Variants in ESRP1 observed in about 807,000 individuals in gnomAD.
ESRP1 encodes the protein RNA-binding motif protein 35A.
ESRP1 carries 33 observed loss-of-function variants against 81.7 expected under a neutral mutation model. That is an observed-to-expected ratio of 0.40 (90% CI 0.31 to 0.54). The LOEUF (loss-of-function observed/expected upper bound fraction) is 0.54. ESRP1 is among the 20% of genes least tolerant of loss of function. The pLI is 0.41. For missense variants in ESRP1, 672 were observed against 833.1 expected (o/e 0.81, Z 2.38); for synonymous variants, 320 against 303.3 (o/e 1.06, Z -0.57).
intron 13 of ESRP1, among the ~76,000 whole-genome samples, chr8:94,690,864 G>A (rs962089415): frequency 2.0e-5 from 3 of 152,190 alleles, no homozygotes; most frequent in African/African-American, 7.2e-5. Flanking sequence ...TGGTCTTTGA[G>A]TATTAGACTT....
At chr8:94,691,291 C>A (rs767025095) in intron 13 of ESRP1, among the ~76,000 whole-genome samples, 31 of 152,034 alleles carry the variant, frequency 2.0e-4, no homozygotes, top group Admixed American at 2.0e-3. Context: ...CAAAAAAACA[C>A]AAAAACTCCC....
chr8:94,692,092 T>C (rs962540011), intron 13 of ESRP1, among the ~76,000 whole-genome samples: 3 of 152,168 alleles, frequency 2.0e-5, no homozygotes, highest in Non-Finnish European at 4.4e-5. Flanking sequence ...TGGTGATTGA[T>C]TTAATTTTTA....
chr8:94,650,798 C>T (rs537979693), intron 4 of ESRP1, among the ~76,000 whole-genome samples: 4 of 138,616 alleles, frequency 2.9e-5, no homozygotes, highest in South Asian at 4.7e-4. Context: ...CTGCAAGCAC[C>T]GCCTCCAGGT....
intron 14 of ESRP1, among the ~76,000 whole-genome samples, chr8:94,695,561 GGCC>G (rs1320336178): frequency 6.6e-6 from 1 of 150,618 alleles, no homozygotes; most frequent in Non-Finnish European, 1.5e-5. Flanking sequence ...TTACCATGCT[GGCC>G]AGGCTGGCCA....
chr8:94,641,708 C>T (rs1817600802), intron 1 of ESRP1: 2 of 725,242 alleles, frequency 2.8e-6, no homozygotes, highest in Non-Finnish European at 4.2e-6. Flanking sequence ...CGTCGGGGGA[C>T]GCTCCGCCGA....
At position 94,641,976 on chromosome 8, in the gene ESRP1, G is replaced by T; in HGVS notation, c.153G>T (p.Val51=). Residue 51 remains valine, a synonymous_variant, in exon 2 of 16, where the codon GTG becomes GTT. Transcript: ENST00000433389. The stretch of plus-strand genomic sequence containing the variant: ...CGGAGGTGGGACAGTTGCACGAAGT[G>T]CTAGTTAGACCGGATCAGTTGGAAC... ...ANKKVGQLHE[V]LVRPDQLELT... is the part of the protein sequence containing the mutation. 1 of 1,614,002 alleles carries T rather than the reference G, an allele frequency of 6.2e-7. No individual in the cohort carries two copies. The highest frequency in any genetic ancestry group is 8.5e-7 in the Non-Finnish European group (1 of 1,179,872).
At chr8:94,650,974 A>G (rs541411921) in intron 4 of ESRP1, among the ~76,000 whole-genome samples, 2 of 152,070 alleles carry the variant, frequency 1.3e-5, no homozygotes, top group Admixed American at 1.3e-4. Context: ...TAAAGTGCTG[A>G]GATTATAGGC....
chr8:94,649,158 G>A (rs185618041), intron 4 of ESRP1, among the ~76,000 whole-genome samples: 188 of 152,232 alleles, frequency 1.2e-3, no homozygotes, highest in Non-Finnish European at 2.2e-3. Context: ...GAGGCAGTGA[G>A]CCGAGATCAT....
chr8:94,686,148 C>T (rs981681563), intron 13 of ESRP1, among the ~76,000 whole-genome samples: 7 of 152,066 alleles, frequency 4.6e-5, no homozygotes, highest in Admixed American at 3.3e-4. Flanking sequence ...AGAGTGGTCT[C>T]GAATTCCTGA....
chr8:94,687,038 A>T (rs1809168669), intron 13 of ESRP1, among the ~76,000 whole-genome samples: 1 of 152,206 alleles, frequency 6.6e-6, no homozygotes, highest in South Asian at 2.1e-4. Context: ...CAATTGTAGA[A>T]TAATTTTACA....
At chr8:94,693,678 G>C (rs182996737) in intron 14 of ESRP1, among the ~76,000 whole-genome samples, 1 of 152,144 alleles carries the variant, frequency 6.6e-6, no homozygotes, top group African/African-American at 2.4e-5. Flanking sequence ...AGCTGTTTTC[G>C]GAATAATAGT....
intron 10 of ESRP1, among the ~76,000 whole-genome samples, chr8:94,669,896 AT>A (rs1161654793): frequency 1.3e-5 from 2 of 148,736 alleles, no homozygotes; most frequent in African/African-American, 2.5e-5. Flanking sequence ...AAAAAAAAAA[AT>A]TTATACCTTT....
intron 15 of ESRP1, among the ~76,000 whole-genome samples, chr8:94,698,367 T>C (rs574504938): frequency 1.3e-5 from 2 of 152,362 alleles, no homozygotes; most frequent in South Asian, 2.1e-4. Context: ...CTTCGGTAAC[T>C]GGCTTATTTA....
chr8:94,683,185 C>G (rs1010091808), intron 13 of ESRP1, among the ~76,000 whole-genome samples: 2 of 151,610 alleles, frequency 1.3e-5, no homozygotes, highest in Non-Finnish European at 2.9e-5. Context: ...CTCAAGTGAT[C>G]CGCCCGCCTC....
intron 4 of ESRP1, among the ~76,000 whole-genome samples, chr8:94,655,286 C>T (rs1818348160): frequency 1.3e-5 from 2 of 151,534 alleles, no homozygotes; most frequent in Non-Finnish European, 2.9e-5. Context: ...TTAGTTTCAC[C>T]ATGTTGGCCA....
chr8:94,641,821 C>G (rs1188211940), intron 1 of ESRP1, 135 bp from the exon 2 acceptor site: 2 of 1,386,652 alleles, frequency 1.4e-6, no homozygotes, highest in Non-Finnish European at 1.9e-6. Flanking sequence ...GAACCGATGG[C>G]GAGTCGAGAG....
rs1228296571 is a variant in ESRP1, at chr8:94,678,365, A to T, written c.1814A>T (p.Tyr605Phe). Residue 605 changes from tyrosine to phenylalanine, a missense_variant, in exon 13 of 16, where the codon TAT becomes TTT. Physicochemically the swap from Tyr to Phe is conservative, Grantham distance 22. Coordinates refer to ENST00000433389, the MANE Select transcript of ESRP1 (RefSeq NM_017697.4). Reference sequence around the variant, plus strand: ...CTCTTCATGAATTACACAGCGTACTATCCCAGGTAAGGCTCTGACAGAGGT... The same window carrying T: ...CTCTTCATGAATTACACAGCGTACTTTCCCAGGTAAGGCTCTGACAGAGGT... ...TQLFMNYTAY[Y>F]PSPPGSPNSL... 31 of 1,612,938 alleles carry T rather than the reference A, an allele frequency of 1.9e-5. No individual in the cohort carries two copies. The highest frequency in any genetic ancestry group is 2.6e-5 in the Non-Finnish European group (31 of 1,179,412).
intron 15 of ESRP1, among the ~76,000 whole-genome samples, chr8:94,698,049 G>A (rs1011235381): frequency 5.9e-5 from 9 of 152,126 alleles, no homozygotes; most frequent in Non-Finnish European, 1.3e-4. Flanking sequence ...CCAAAGTGCT[G>A]GGATTATAGG....
rs771188958 is a variant in ESRP1, at chr8:94,695,180, C to T, written c.1972-1672C>T. Among the ~76,000 whole-genome samples, 54 of 151,996 alleles carry T rather than the reference C, an allele frequency of 3.6e-4. 1 individual carries two copies. The highest frequency in any genetic ancestry group is 1.2e-4 in the African/African-American group (5 of 41,384). ...GATGACATTTTTTGAAAACTGTTCACTTAAGTGTAATCTGTGTTTACCTAG... is the reference window on the plus strand; with the variant it reads ...GATGACATTTTTTGAAAACTGTTCATTTAAGTGTAATCTGTGTTTACCTAG... On this transcript the variant is annotated intron_variant, in intron 14 of 15. Coordinates refer to ENST00000433389, the MANE Select transcript of ESRP1 (RefSeq NM_017697.4).
Sources: gnomAD v4.1 joint callset for allele counts (sites outside exome capture counted in the v4.1 genomes callset) on GRCh38, gnomAD v4.1.1 for gene constraint, MANE v1.5 for transcripts, NCBI Gene and HGNC (gene_info 2026-07-23, HGNC 2026-07-21) for gene names.